The following CD34 variants were observed in gnomAD, a reference collection of about 807,000 sequenced individuals.
CD34 encodes hematopoietic progenitor cell antigen CD34.
In CD34, 34 loss-of-function variants were observed where a neutral mutation model predicts 40.1. The ratio of observed to expected loss-of-function variants is 0.85; its 90% CI spans 0.65 to 1.13. The LOEUF (loss-of-function observed/expected upper bound fraction) is 1.13, where lower values mean the gene tolerates loss of function less well. CD34 is among the 50% of genes most tolerant of loss of function. CD34 has a pLI of 0.00. For missense variants in CD34, 426 were observed against 466.9 expected (o/e 0.91, Z 0.81); for synonymous variants, 209 against 190.0 (o/e 1.10, Z -0.82).
chr1:207,901,147 G>C (rs555582408), intron 1 of CD34, among the ~76,000 whole-genome samples: 5 of 152,128 alleles, frequency 3.3e-5, no homozygotes, highest in Non-Finnish European at 5.9e-5. Context: ...TGGGATTACA[G>C]ATGTTACTCA....
At chr1:207,889,441 C>A (rs1661982450) in intron 5 of CD34, 24 bp downstream of exon 5, 1 of 1,595,806 alleles carries the variant, frequency 6.3e-7, no homozygotes, top group Non-Finnish European at 8.6e-7. Context: ...CTTCCCTGTT[C>A]CCCCAGGCAG....
rs1305474370 is a variant in CD34 at position 207,910,855 on chromosome 1, G to A, written c.79+147C>T. On this transcript the variant is annotated intron_variant, in intron 1 of 7. Coordinates refer to ENST00000310833, the MANE Select transcript of CD34 (RefSeq NM_001025109.2). ...AGCTCCCAGGTGAGGCGCTGGCCCC[G>A]GGGGGAAGCAGCTGTGGGCGGCAGT... 2.4e-5 allele frequency: 17 copies of A among 704,092 alleles called. No individual in the cohort carries two copies. In the Admixed American group the frequency reaches 5.5e-4, roughly 23 times the overall value. The allele number at this position is 704,092 out of a possible 1,614,324, so 43.6% of individuals were successfully genotyped here.
intron 1 of CD34, among the ~76,000 whole-genome samples, chr1:207,902,255 G>A (rs999117588): frequency 6.6e-6 from 1 of 152,176 alleles, no homozygotes; most frequent in African/African-American, 2.4e-5. Context: ...GTTCATGAAG[G>A]GAAGCAGCAA....
intron 1 of CD34, among the ~76,000 whole-genome samples, chr1:207,902,656 C>A (rs1436100479): frequency 1.3e-5 from 2 of 152,250 alleles, no homozygotes; most frequent in Non-Finnish European, 2.9e-5. Flanking sequence ...CTGGCCCAGC[C>A]CTTTTCTCTC....
At chr1:207,907,289 CTA>C (rs1662401513) in intron 1 of CD34, among the ~76,000 whole-genome samples, 1 of 152,196 alleles carries the variant, frequency 6.6e-6, no homozygotes, top group East Asian at 1.9e-4. Context: ...CACTGTCCTG[CTA>C]TGACTCCAGG....
At chr1:207,900,092 TC>T in intron 1 of CD34, 89 bp from the exon 2 acceptor site, 1 of 1,021,190 alleles carries the variant, frequency 9.8e-7, no homozygotes, top group Non-Finnish European at 1.4e-6. Flanking sequence ...CAGGTAGAAT[TC>T]GTCTAGAACA....
intron 7 of CD34, 145 bp from the exon 8 acceptor site, chr1:207,888,068 G>C (rs750913377): frequency 5.0e-6 from 8 of 1,613,306 alleles, no homozygotes; most frequent in Non-Finnish European, 6.8e-6. Flanking sequence ...GGAGGGTGCA[G>C]CTGCATGTGC....
At chr1:207,905,965 G>A (rs1387370934) in intron 1 of CD34, among the ~76,000 whole-genome samples, 1 of 152,202 alleles carries the variant, frequency 6.6e-6, no homozygotes, top group Non-Finnish European at 1.5e-5. Flanking sequence ...TAAGCATTTT[G>A]GATAAGGGAT....
intron 7 of CD34, 140 bp downstream of exon 7, chr1:207,888,541 TG>T (rs1275549818): frequency 1.2e-6 from 1 of 828,444 alleles, no homozygotes; most frequent in Non-Finnish European, 2.0e-6. Context: ...CCGATTACTG[TG>T]TGTGCACACA....
rs1345545809 is a variant in CD34 at position 207,888,565 on chromosome 1, T to C, written c.972+117A>G. On this transcript the variant is annotated intron_variant, in intron 7 of 7. Transcript: ENST00000310833. ...GTGTGTGCACACATGCATATCTTTA[T>C]GTAAGCTCACAGAAGGGCTTTTTCT... The C allele has an allele frequency of 6.1e-6, 6 of 988,784 alleles. No individual in the cohort carries two copies. The East Asian group carries it at 9.6e-5, about 16-fold the overall frequency. 61.3% of individuals were successfully genotyped at this position (988,784 alleles called of 1,614,324 possible). A position where few individuals can be genotyped will look rare whatever the true frequency, so the allele number is the denominator to read the frequency against.
chr1:207,890,329 C>G lies in CD34; in HGVS notation c.598-708G>C, dbSNP rs142735243. ...AGAATTTATTCCAGCAGCCTCCAAT[C>G]AGAGTGTCCTCCTCCCCTGAACAGG... On this transcript the variant is annotated intron_variant, in intron 4 of 7. Coordinates refer to ENST00000310833, the MANE Select transcript of CD34 (RefSeq NM_001025109.2). The G allele has an allele frequency of 2.1e-4, 135 of 638,976 alleles. No homozygotes were observed. The East Asian group carries it at 0.016, about 77-fold the overall frequency. 39.6% of individuals were successfully genotyped at this position (638,976 alleles called of 1,614,324 possible).
intron 4 of CD34, among the ~76,000 whole-genome samples, chr1:207,897,033 A>G (rs1662164541): frequency 6.6e-6 from 1 of 152,148 alleles, no homozygotes; most frequent in South Asian, 2.1e-4. Context: ...TTACAGCAAA[A>G]TAAATTCTAT....
rs755312965 is a variant in CD34, at chr1:207,899,132, T to C, written c.357A>G (p.Thr119=). ...SVQSQTSVIS[T]VFTTPANVST... ...AAACGTTGGCTGGGGTGGTGAACAC[T>C]GTGCTGATTACAGAGGTCTGTGACT... Residue 119 remains threonine, a synonymous_variant, in exon 3 of 8, where the codon ACA becomes ACG. Transcript: ENST00000310833. The C allele has an allele frequency of 2.5e-6, 4 of 1,614,202 alleles. No homozygotes were observed. Among genetic ancestry groups the C allele is most frequent in the South Asian group, 1.1e-5 (1 of 91,084 alleles).
Position 207,886,718 on chromosome 1 carries a change from A to C in CD34, c.*1020T>G, listed in dbSNP as rs1466481816. On this transcript the variant is annotated 3_prime_UTR_variant, in exon 8 of 8. Transcript: ENST00000310833. ...AAACAAGGACCTGGGTCACCCACAG[A>C]AGAGGCAGCTGGTGATAAGGGTTAG... is the stretch of plus-strand genomic sequence containing the variant. The C allele has an allele frequency of 6.6e-6, 1 of 152,658 alleles. No individual in the cohort carries two copies. 9.5% of individuals were successfully genotyped at this position (152,658 alleles called of 1,614,324 possible).
chr1:207,887,795 G>A lies in CD34; in HGVS notation c.1101C>T (p.Ala367=), dbSNP rs186646418. The A allele has an allele frequency of 4.4e-5, 71 of 1,614,168 alleles. No homozygotes were observed. In the East Asian group the frequency reaches 1.5e-3, roughly 35 times the overall value. ...TTGCTGAATGGCCGTTTCTGGAGGT[G>A]GCCTGGCCGGTCCCGTTTTCCTGAG... is the stretch of plus-strand genomic sequence containing the variant. ...RGAQENGTGQ[A]TSRNGHSARQ... is the part of the protein sequence containing the mutation. Residue 367 remains alanine, a synonymous_variant, in exon 8 of 8, where the codon GCC becomes GCT. Transcript: ENST00000310833.
chr1:207,900,566 T>C (rs1346316829), intron 1 of CD34, among the ~76,000 whole-genome samples: 1 of 152,232 alleles, frequency 6.6e-6, no homozygotes, highest in Non-Finnish European at 1.5e-5. Context: ...ACTGTCTCTA[T>C]GCGATCCCCT....
intron 1 of CD34, among the ~76,000 whole-genome samples, chr1:207,907,195 C>T (rs1161394245): frequency 6.6e-6 from 1 of 152,106 alleles, no homozygotes; most frequent in East Asian, 1.9e-4. Flanking sequence ...ATGGCATAAC[C>T]CTGAAATATT....
At chr1:207,890,377 T>A in intron 4 of CD34, 1 of 287,328 alleles carries the variant, frequency 3.5e-6, no homozygotes, top group Non-Finnish European at 5.2e-6. Flanking sequence ...ACTAAGACTT[T>A]CTCTTCAGTC....
rs528184885 is a variant in CD34, at chr1:207,883,236, T to C, written c.*4502A>G. ...ATTGTCCTTTGACAGTACCTTATCT[T>C]TCCCCATCACTACATATTGTATGTA... On this transcript the variant is annotated 3_prime_UTR_variant, in exon 8 of 8. Coordinates refer to ENST00000310833, the MANE Select transcript of CD34 (RefSeq NM_001025109.2). 23 of 152,304 alleles carry C rather than the reference T, an allele frequency of 1.5e-4. No individual in the cohort carries two copies. The highest frequency in any genetic ancestry group is 5.5e-4 in the African/African-American group (23 of 41,568). 9.4% of individuals were successfully genotyped at this position (152,304 alleles called of 1,614,324 possible). A position where few individuals can be genotyped will look rare whatever the true frequency, so the allele number is the denominator to read the frequency against.
Sources: allele counts gnomAD v4.1 joint callset (sites outside exome capture counted in the v4.1 genomes callset), GRCh38; gene constraint gnomAD v4.1.1; transcripts MANE v1.5; gene names NCBI Gene and HGNC (gene_info 2026-07-23, HGNC 2026-07-21).